The following NRXN3 variants were observed in gnomAD, a reference collection of about 807,000 sequenced individuals.
NRXN3 encodes the protein neurexin 3.
In NRXN3, 32 loss-of-function variants were observed where a neutral mutation model predicts 137.6. That is an observed-to-expected ratio of 0.23 (90% confidence interval 0.18 to 0.31). The LOEUF (loss-of-function observed/expected upper bound fraction) is 0.31. Ranked by LOEUF, NRXN3 falls within the 10% of genes least tolerant of loss-of-function variation. The pLI, the probability that NRXN3 is intolerant of heterozygous loss-of-function variation, is 1.00. For synonymous variants in NRXN3, 798 were observed against 784.5 expected, an observed-to-expected ratio of 1.02 and a Z score of -0.29; for missense variants, 1,574 against 2,062.5, an observed-to-expected ratio of 0.76 and a Z score of 4.59.
At chr14:79,770,558 G>A (rs940688567) in intron 19 of NRXN3, among the ~76,000 whole-genome samples, 1 of 147,848 alleles carries the variant, frequency 6.8e-6, no homozygotes, top group Non-Finnish European at 1.5e-5. Flanking sequence ...CAGAAATAAA[G>A]ATGTTCTTTG....
intron 4 of NRXN3, among the ~76,000 whole-genome samples, chr14:78,436,841 C>G (rs1345801848): frequency 2.0e-5 from 3 of 152,152 alleles, no homozygotes; most frequent in African/African-American, 7.2e-5. Flanking sequence ...TCATGGCCAT[C>G]ATTTATTTAG....
At chr14:79,154,218 C>T (rs1000316652) in intron 15 of NRXN3, among the ~76,000 whole-genome samples, 1 of 151,966 alleles carries the variant, frequency 6.6e-6, no homozygotes, top group Non-Finnish European at 1.5e-5. Flanking sequence ...TCTAGAGGTG[C>T]TCAAGGTGCA....
intron 1 of NRXN3, among the ~76,000 whole-genome samples, chr14:78,179,770 C>G (rs1006866098): frequency 3.3e-5 from 5 of 150,934 alleles, no homozygotes; most frequent in Non-Finnish European, 7.4e-5. Flanking sequence ...AGACTGTGTA[C>G]CCAGTCTCGT....
chr14:78,712,969 G>T (rs1210181714), intron 7 of NRXN3, among the ~76,000 whole-genome samples: 2 of 152,200 alleles, frequency 1.3e-5, no homozygotes, highest in African/African-American at 4.8e-5. Flanking sequence ...TCAGACAGAG[G>T]TGAAGGCTGA....
intron 19 of NRXN3, among the ~76,000 whole-genome samples, chr14:79,718,114 T>C (rs1290143351): frequency 6.6e-6 from 1 of 152,178 alleles, no homozygotes; most frequent in African/African-American, 2.4e-5. Context: ...CTGCGCAATG[T>C]CACACAGAAT....
At chr14:79,459,862 G>C (rs2096305824) in intron 15 of NRXN3, among the ~76,000 whole-genome samples, 1 of 152,010 alleles carries the variant, frequency 6.6e-6, no homozygotes, top group Non-Finnish European at 1.5e-5. Flanking sequence ...TTAAGCAAGA[G>C]GGAATTTGAG....
rs1318655708 is a variant in NRXN3 at position 79,365,741 on chromosome 14, AAAAG to A, written c.3263-101476_3263-101473del. Among the ~76,000 whole-genome samples, 297 of 143,048 alleles carry A rather than the reference AAAAG, an allele frequency of 2.1e-3. 39 individuals carry two copies. The highest frequency in any genetic ancestry group is 6.7e-3 in the African/African-American group (258 of 38,762). The allele number at this position is 143,048 out of a possible 152,430, so 93.8% of individuals were successfully genotyped here. Reference sequence around the variant, plus strand: ...ACTCTGTCTCAAAAAAAAAAAAAAAAAAAGAAAAAAAAGAAGAGTTTTATTAAAC... The same window carrying A: ...ACTCTGTCTCAAAAAAAAAAAAAAAAAAAAAAAAGAAGAGTTTTATTAAAC... On this transcript the variant is annotated intron_variant, in intron 15 of 20. Coordinates refer to ENST00000335750, the MANE Select transcript of NRXN3 (RefSeq NM_001330195.2).
At chr14:78,619,327 C>G (rs2152495130) in intron 4 of NRXN3, among the ~76,000 whole-genome samples, 1 of 152,254 alleles carries the variant, frequency 6.6e-6, no homozygotes, top group South Asian at 2.1e-4. Flanking sequence ...CTCCCACACC[C>G]ACTGTTCATA....
At chr14:79,188,396 A>ATTTTTT (rs368149497) in intron 15 of NRXN3, among the ~76,000 whole-genome samples, 228 of 147,356 alleles carry the variant, frequency 1.5e-3, no homozygotes, top group Middle Eastern at 0.01. Flanking sequence ...TACAATACAT[A>ATTTTTT]TTTTTTTTTT....
In NRXN3 at chr14:79,066,321, G is replaced by C. The variant is rs574587694; in HGVS notation, c.3262+78180G>C. On this transcript the variant is annotated intron_variant, in intron 15 of 20. Coordinates refer to ENST00000335750, the MANE Select transcript of NRXN3 (RefSeq NM_001330195.2). Reference sequence around the variant, plus strand: ...TGTAGGTGTGCGGTCTTATGTCTGAGTTCTCTGTGCTTTTCCATTGATCTA... The same window carrying C: ...TGTAGGTGTGCGGTCTTATGTCTGACTTCTCTGTGCTTTTCCATTGATCTA... Among the ~76,000 whole-genome samples, 813 of 152,198 alleles carry C rather than the reference G, an allele frequency of 5.3e-3. 6 individuals carry two copies. The highest frequency in any genetic ancestry group is 8.8e-3 in the Non-Finnish European group (601 of 67,996).
chr14:78,741,112 T>C (rs755956295), intron 8 of NRXN3, among the ~76,000 whole-genome samples: 1 of 152,178 alleles, frequency 6.6e-6, no homozygotes, highest in East Asian at 1.9e-4. Context: ...GGGATAGAGA[T>C]GTAGTTATCA....
At chr14:79,582,431 TA>T (rs2097725141) in intron 16 of NRXN3, among the ~76,000 whole-genome samples, 1 of 148,798 alleles carries the variant, frequency 6.7e-6, no homozygotes, top group African/African-American at 2.6e-5. Context: ...TTATAATTAT[TA>T]TTTTTTTGAG....
chr14:78,823,163 C>A (rs1002844298), intron 10 of NRXN3, among the ~76,000 whole-genome samples: 3 of 152,160 alleles, frequency 2.0e-5, no homozygotes, highest in Non-Finnish European at 4.4e-5. Flanking sequence ...ATTAGAATGC[C>A]ATAATTCAAC....
chr14:78,271,767 CA>C (rs1391136157), intron 2 of NRXN3, among the ~76,000 whole-genome samples: 2 of 152,178 alleles, frequency 1.3e-5, no homozygotes, highest in African/African-American at 2.4e-5. Context: ...CATCAAAGAA[CA>C]AAAGCAAACA....
chr14:78,768,720 T>C (rs1408874173), intron 8 of NRXN3, among the ~76,000 whole-genome samples: 5 of 152,186 alleles, frequency 3.3e-5, no homozygotes, highest in Admixed American at 1.3e-4. Flanking sequence ...ACAGTAAGCA[T>C]ATAGTAAATG....
chr14:79,210,687 C>G (rs190108830), intron 15 of NRXN3, among the ~76,000 whole-genome samples: 1 of 152,172 alleles, frequency 6.6e-6, no homozygotes, highest in Non-Finnish European at 1.5e-5. Context: ...TTTTAATAAA[C>G]GTTCCTGACT....
chr14:79,506,767 A>G (rs1050751628), intron 16 of NRXN3, among the ~76,000 whole-genome samples: 3 of 152,146 alleles, frequency 2.0e-5, no homozygotes, highest in South Asian at 2.1e-4. Context: ...AAAGAAATCT[A>G]AAAGAAAGCT....
At chr14:79,493,084 G>A (rs781351368) in intron 16 of NRXN3, among the ~76,000 whole-genome samples, 1 of 152,162 alleles carries the variant, frequency 6.6e-6, no homozygotes, top group Non-Finnish European at 1.5e-5. Context: ...ATGAGGAATC[G>A]ACATTAATTC....
chr14:78,393,233 C>T (rs559253202), intron 4 of NRXN3, among the ~76,000 whole-genome samples: 71 of 151,118 alleles, frequency 4.7e-4, no homozygotes, highest in African/African-American at 1.5e-3. Context: ...TTGAGGTAAT[C>T]GTATATTCAT....
Sources: allele counts gnomAD v4.1 joint callset (sites outside exome capture counted in the v4.1 genomes callset), GRCh38; gene constraint gnomAD v4.1.1; transcripts MANE v1.5; gene names NCBI Gene and HGNC (gene_info 2026-07-23, HGNC 2026-07-21).